The following PLXDC2 variants were observed in gnomAD, a reference collection of about 807,000 sequenced individuals.
PLXDC2 encodes the protein plexin domain-containing protein 2.
In PLXDC2, 40 loss-of-function variants were observed where a neutral mutation model predicts 68.9. The ratio of observed to expected loss-of-function variants is 0.58; its 90% CI spans 0.45 to 0.76. The LOEUF (loss-of-function observed/expected upper bound fraction) is 0.76. PLXDC2 is among the 30% of genes least tolerant of loss of function. The pLI, the probability that PLXDC2 is intolerant of heterozygous loss-of-function variation, is 0.00. For missense variants in PLXDC2, 644 were observed against 661.9 expected, an observed-to-expected ratio of 0.97 and a Z score of 0.30; for synonymous variants, 243 against 234.2, an observed-to-expected ratio of 1.04 and a Z score of -0.34.
At position 20,217,596 on chromosome 10, in the gene PLXDC2, CTTTTTTTTTTTTTTT is replaced by C. The variant is rs66483508; in HGVS notation, c.1273+34_1273+48del. 116 of 785,140 alleles carry C rather than the reference CTTTTTTTTTTTTTTT, an allele frequency of 1.5e-4. No homozygotes were observed. The East Asian group carries it at 3.2e-3, about 21-fold the overall frequency. 48.6% of individuals were successfully genotyped at this position (785,140 alleles called of 1,614,324 possible). A position where few individuals can be genotyped will look rare whatever the true frequency, so the allele number is the denominator to read the frequency against. ...CAGAAGGTACCCAAGAGATAGTTTG[CTTTTTTTTTTTTTTT>C]TTTTTTTTTTTTTCCCTGAAGGAAG... is the stretch of plus-strand genomic sequence containing the variant. On this transcript the variant is annotated intron_variant, in intron 11 of 13. Transcript: ENST00000377252.
intron 4 of PLXDC2, among the ~76,000 whole-genome samples, chr10:20,104,643 G>A (rs1465547937): frequency 6.6e-6 from 1 of 152,076 alleles, no homozygotes; most frequent in East Asian, 1.9e-4. Context: ...AAATATTGTT[G>A]GCACGTGGGT....
At chr10:19,834,974 A>T (rs988061554) in intron 1 of PLXDC2, among the ~76,000 whole-genome samples, 14 of 152,038 alleles carry the variant, frequency 9.2e-5, no homozygotes, top group Non-Finnish European at 1.3e-4. Context: ...AAGGCTTCCT[A>T]GGGAGGTATG....
At chr10:19,828,264 A>G (rs1379735660) in intron 1 of PLXDC2, among the ~76,000 whole-genome samples, 2 of 152,244 alleles carry the variant, frequency 1.3e-5, no homozygotes, top group Admixed American at 1.3e-4. Context: ...CTCCTTAACA[A>G]TGGCTCACTA....
chr10:20,007,341 GT>G, intron 2 of PLXDC2, among the ~76,000 whole-genome samples: 1 of 152,226 alleles, frequency 6.6e-6, no homozygotes, highest in Admixed American at 6.5e-5. Flanking sequence ...CTGTAGAATA[GT>G]GTTGGTCACT....
chr10:20,100,619 T>C (rs905340243), intron 4 of PLXDC2, among the ~76,000 whole-genome samples: 6 of 152,208 alleles, frequency 3.9e-5, no homozygotes, highest in South Asian at 2.1e-4. Flanking sequence ...TGATATGTAA[T>C]GTCAGGTGAA....
intron 9 of PLXDC2, among the ~76,000 whole-genome samples, chr10:20,208,621 A>T (rs1183519581): frequency 6.6e-6 from 1 of 152,200 alleles, no homozygotes; most frequent in Non-Finnish European, 1.5e-5. Context: ...TATGAAAAAG[A>T]TATTATGTAT....
intron 10 of PLXDC2, among the ~76,000 whole-genome samples, chr10:20,217,021 G>C (rs1835146570): frequency 6.6e-6 from 1 of 152,184 alleles, no homozygotes; most frequent in African/African-American, 2.4e-5. Context: ...TGATACGAAA[G>C]GAATGCACTT....
chr10:20,265,401 T>C (rs1485713720), intron 13 of PLXDC2, among the ~76,000 whole-genome samples: 1 of 152,196 alleles, frequency 6.6e-6, no homozygotes, highest in Non-Finnish European at 1.5e-5. Context: ...GTAACACACA[T>C]CTCATATTTC....
At chr10:19,960,008 G>A (rs998823143) in intron 1 of PLXDC2, among the ~76,000 whole-genome samples, 1 of 152,032 alleles carries the variant, frequency 6.6e-6, no homozygotes, top group African/African-American at 2.4e-5. Flanking sequence ...CACACAAAAT[G>A]TAATGACTTC....
intron 1 of PLXDC2, among the ~76,000 whole-genome samples, chr10:19,872,913 G>A (rs1837566721): frequency 6.6e-6 from 1 of 152,192 alleles, no homozygotes; most frequent in Non-Finnish European, 1.5e-5. Flanking sequence ...GCGGGAAAGA[G>A]TCTGGACTGT....
intron 4 of PLXDC2, among the ~76,000 whole-genome samples, chr10:20,074,915 T>C (rs1420613480): frequency 6.6e-6 from 1 of 151,010 alleles, no homozygotes; most frequent in Non-Finnish European, 1.5e-5. Flanking sequence ...TCTGGAGATC[T>C]ATGTGTTATG....
chr10:20,064,712 T>G (rs1237430517), intron 3 of PLXDC2, among the ~76,000 whole-genome samples: 1 of 152,128 alleles, frequency 6.6e-6, no homozygotes, highest in Admixed American at 6.5e-5. Flanking sequence ...GGTTCACCAG[T>G]CAACCAGCTA....
At chr10:19,869,087 T>A (rs1421462774) in intron 1 of PLXDC2, among the ~76,000 whole-genome samples, 2 of 152,084 alleles carry the variant, frequency 1.3e-5, no homozygotes, top group African/African-American at 4.8e-5. Flanking sequence ...GGCTCTATAC[T>A]TTTCAACCTT....
At chr10:20,275,921 A>C (rs2778960) in intron 13 of PLXDC2, among the ~76,000 whole-genome samples, 129,414 of 151,912 alleles carry the variant, frequency 0.85, 55,584 homozygotes, top group Middle Eastern at 0.94. Context: ...TCAAAAAATA[A>C]TAATAATAAA....
intron 12 of PLXDC2, among the ~76,000 whole-genome samples, chr10:20,228,242 A>T (rs1835312218): frequency 6.6e-6 from 1 of 152,130 alleles, no homozygotes; most frequent in African/African-American, 2.4e-5. Context: ...AAGGAGATGA[A>T]TTAGGTATGG....
chr10:20,004,094 A>C (rs1354972389), intron 2 of PLXDC2, among the ~76,000 whole-genome samples: 2 of 152,344 alleles, frequency 1.3e-5, no homozygotes, highest in East Asian at 1.9e-4. Flanking sequence ...AAAAAAACTC[A>C]GTTTCCTGAA....
chr10:20,176,179 C>CT (rs1317830616), intron 7 of PLXDC2, among the ~76,000 whole-genome samples: 6 of 152,118 alleles, frequency 3.9e-5, no homozygotes, highest in African/African-American at 1.4e-4. Context: ...ATTAACCTTC[C>CT]TTAGATATGA....
chr10:20,054,773 C>A (rs1262595656), intron 3 of PLXDC2, among the ~76,000 whole-genome samples: 13 of 151,880 alleles, frequency 8.6e-5, no homozygotes, highest in Non-Finnish European at 1.9e-4. Flanking sequence ...TTGATGGGTG[C>A]AGCACACCAA....
At chr10:19,952,742 G>A (rs1834010227) in intron 1 of PLXDC2, among the ~76,000 whole-genome samples, 1 of 152,196 alleles carries the variant, frequency 6.6e-6, no homozygotes, top group Non-Finnish European at 1.5e-5. Flanking sequence ...ACGTTGAGCT[G>A]TAAGTGAGAT....
Sources: gnomAD v4.1 joint callset for allele counts (sites outside exome capture counted in the v4.1 genomes callset) on GRCh38, gnomAD v4.1.1 for gene constraint, MANE v1.5 for transcripts, NCBI Gene and HGNC (gene_info 2026-07-23, HGNC 2026-07-21) for gene names.